Variants in NR2F1-AS1 observed in about 807,000 individuals in gnomAD.
NR2F1-AS1 encodes the protein NR2F1 regulatory antisense RNA 1.
intron 4 of NR2F1-AS1, among the ~76,000 whole-genome samples, chr5:93,550,297 G>T (rs759536105): frequency 6.6e-6 from 1 of 151,980 alleles, no homozygotes; most frequent in Admixed American, 6.6e-5. Context: ...CCCTTCATTC[G>T]GTTTAACGAA....
chr5:93,434,844 G>A (rs1749400619), intron 4 of NR2F1-AS1, among the ~76,000 whole-genome samples: 1 of 152,000 alleles, frequency 6.6e-6, no homozygotes, highest in South Asian at 2.1e-4. Flanking sequence ...TTAGATTTAG[G>A]TTACATATTT....
chr5:93,533,523 G>T (rs1331872183), intron 4 of NR2F1-AS1, among the ~76,000 whole-genome samples: 8 of 151,854 alleles, frequency 5.3e-5, no homozygotes, highest in Admixed American at 5.2e-4. Context: ...TAATTGCCTG[G>T]ATACTTCACA....
chr5:93,462,701 T>C (rs938247816), intron 4 of NR2F1-AS1, among the ~76,000 whole-genome samples: 14 of 152,172 alleles, frequency 9.2e-5, no homozygotes, highest in African/African-American at 3.4e-4. Context: ...AGGCATGGTC[T>C]CAGATGGAGA....
intron 4 of NR2F1-AS1, among the ~76,000 whole-genome samples, chr5:93,475,040 C>T (rs938954936): frequency 4.0e-5 from 6 of 150,624 alleles, no homozygotes; most frequent in South Asian, 2.1e-4. Context: ...AGGAGAATGG[C>T]GTGAACCTGG....
intron 4 of NR2F1-AS1, among the ~76,000 whole-genome samples, chr5:93,493,583 C>G (rs998077476): frequency 5.9e-5 from 9 of 151,934 alleles, no homozygotes; most frequent in Non-Finnish European, 1.0e-4. Flanking sequence ...ACTCAAAATT[C>G]CCAATTTCAA....
chr5:93,541,862 A>C (rs1751957839), intron 4 of NR2F1-AS1: 1 of 151,946 alleles, frequency 6.6e-6, no homozygotes, highest in Non-Finnish European at 1.5e-5. Context: ...TCAAAAAAAA[A>C]CTCAGCAAAC....
At chr5:93,581,742 CCCTCT>C (rs1753060917), upstream of NR2F1-AS1, among the ~76,000 whole-genome samples, 5 of 40,988 alleles carry the variant, frequency 1.2e-4, no homozygotes, top group African/African-American at 5.3e-4. Flanking sequence ...CTCCCCCTCT[CCCTCT>C]CCCTCTCCCT....
chr5:93,459,624 A>G (rs532698354), intron 4 of NR2F1-AS1, among the ~76,000 whole-genome samples: 1 of 152,324 alleles, frequency 6.6e-6, no homozygotes, highest in Admixed American at 6.5e-5. Flanking sequence ...AATCCTGATA[A>G]TACCTTGTAA....
intron 1 of NR2F1-AS1, among the ~76,000 whole-genome samples, chr5:93,575,948 G>A (rs1189761370): frequency 6.6e-6 from 1 of 152,168 alleles, no homozygotes; most frequent in Admixed American, 6.5e-5. Context: ...AAGTACATGT[G>A]TGCAGAGATT....
intron 4 of NR2F1-AS1, among the ~76,000 whole-genome samples, chr5:93,424,177 G>T (rs1018074958): frequency 6.6e-6 from 1 of 151,982 alleles, no homozygotes; most frequent in Non-Finnish European, 1.5e-5. Flanking sequence ...CTACTCTCAT[G>T]ACTTCAACTA....
chr5:93,419,842 C>A (rs1403322034), intron 4 of NR2F1-AS1, among the ~76,000 whole-genome samples: 1 of 152,048 alleles, frequency 6.6e-6, no homozygotes, highest in Non-Finnish European at 1.5e-5. Context: ...CTGATTGAAG[C>A]CAAGGTGGAG....
chr5:93,566,267 C>T (rs940285957), intron 1 of NR2F1-AS1, among the ~76,000 whole-genome samples: 2 of 152,052 alleles, frequency 1.3e-5, no homozygotes, highest in Middle Eastern at 3.4e-3. Flanking sequence ...ACAGATGTTC[C>T]TTTTTCCTTT....
At chr5:93,413,452 G>A (rs376599923) in intron 4 of NR2F1-AS1, among the ~76,000 whole-genome samples, 31 of 151,976 alleles carry the variant, frequency 2.0e-4, no homozygotes, top group African/African-American at 7.5e-4. Context: ...CATCTCTTCA[G>A]GGTTCATCTC....
chr5:93,470,120 A>C (rs2149869685), intron 4 of NR2F1-AS1, among the ~76,000 whole-genome samples: 1 of 152,136 alleles, frequency 6.6e-6, no homozygotes, highest in Non-Finnish European at 1.5e-5. Flanking sequence ...AATAGCAGAA[A>C]ACTTTTCTGC....
chr5:93,526,606 C>T (rs970095907), intron 4 of NR2F1-AS1, among the ~76,000 whole-genome samples: 9 of 151,960 alleles, frequency 5.9e-5, no homozygotes, highest in Non-Finnish European at 1.3e-4. Flanking sequence ...AATAAAATAC[C>T]AGCAAACCGA....
chr5:93,430,951 G>A (rs1471598963), intron 4 of NR2F1-AS1, among the ~76,000 whole-genome samples: 1 of 151,874 alleles, frequency 6.6e-6, no homozygotes, highest in Non-Finnish European at 1.5e-5. Context: ...TAAGGGGTCA[G>A]CACTATACCA....
chr5:93,582,949 G>GT (rs1753143700), upstream of NR2F1-AS1, among the ~76,000 whole-genome samples: 1 of 120,826 alleles, frequency 8.3e-6, no homozygotes, highest in African/African-American at 2.9e-5. Context: ...GTAGCTAAGC[G>GT]GGGGGGGGAG....
chr5:93,466,113 G>A (rs956644256), intron 4 of NR2F1-AS1, among the ~76,000 whole-genome samples: 4 of 151,982 alleles, frequency 2.6e-5, no homozygotes, highest in Non-Finnish European at 1.5e-5. Flanking sequence ...AGGAAGCTAG[G>A]AGGGATGGAA....
chr5:93,563,459 A>G (rs1415925769), exon 2 of NR2F1-AS1: 1 of 152,204 alleles, frequency 6.6e-6, no homozygotes, highest in Non-Finnish European at 1.5e-5. Flanking sequence ...AGTTTCATCT[A>G]CCTGCTGGAG....
Sources: allele counts gnomAD v4.1 joint callset (sites outside exome capture counted in the v4.1 genomes callset), GRCh38; gene constraint gnomAD v4.1.1; transcripts MANE v1.5; gene names NCBI Gene and HGNC (gene_info 2026-07-23, HGNC 2026-07-21).